Variants in KIAA1958 observed in about 807,000 individuals in gnomAD.
The protein encoded by KIAA1958 is uncharacterized protein KIAA1958.
KIAA1958 carries 14 observed loss-of-function variants against 47.2 expected under a neutral mutation model. The ratio of observed to expected loss-of-function variants is 0.30; its 90% confidence interval spans 0.20 to 0.46. The LOEUF is 0.46. Ranked by LOEUF, KIAA1958 falls within the 20% of genes least tolerant of loss-of-function variation. The probability of loss-of-function intolerance (pLI) is 1.00; values close to 1 mark genes in which losing one functional copy is unlikely to be tolerated. For missense variants in KIAA1958, 803 were observed against 909.2 expected, an observed-to-expected ratio of 0.88 and a Z score of 1.50; for synonymous variants, 354 against 353.3, an observed-to-expected ratio of 1.00 and a Z score of -0.02.
At chr9:112,569,348 G>A (rs1431647057) in intron 1 of KIAA1958, among the ~76,000 whole-genome samples, 2 of 152,202 alleles carry the variant, frequency 1.3e-5, no homozygotes, top group African/African-American at 2.4e-5. Flanking sequence ...ATTGCATTAA[G>A]TGTCTTCTTA....
chr9:112,544,906 CT>C lies in KIAA1958; in HGVS notation c.-24-29141del, dbSNP rs929322073. On this transcript the variant is annotated intron_variant, in intron 1 of 3. Transcript: ENST00000337530. Reference sequence around the variant, plus strand: ...CCCCAGCTACAATCTAATTTTTAATCTTTTTTTTTTAATTTTAACTTTCCAC... The same window carrying C: ...CCCCAGCTACAATCTAATTTTTAATCTTTTTTTTTAATTTTAACTTTCCAC... Among the ~76,000 whole-genome samples, 455 of 149,394 alleles carry C rather than the reference CT, an allele frequency of 3.0e-3. 1 individual carries two copies. The highest frequency in any genetic ancestry group is 6.8e-3 in the Middle Eastern group (2 of 294).
At chr9:112,579,976 C>A (rs1301639113) in intron 2 of KIAA1958, among the ~76,000 whole-genome samples, 1 of 152,200 alleles carries the variant, frequency 6.6e-6, no homozygotes, top group African/African-American at 2.4e-5. Context: ...GCCTTCCTCC[C>A]TATTAGATTC....
At chr9:112,531,447 A>G (rs368483952) in intron 1 of KIAA1958, among the ~76,000 whole-genome samples, 12 of 152,296 alleles carry the variant, frequency 7.9e-5, no homozygotes, top group African/African-American at 2.6e-4. Flanking sequence ...AAGTACGAAT[A>G]AAAGACTAGA....
At chr9:112,554,993 C>T (rs553932593) in intron 1 of KIAA1958, among the ~76,000 whole-genome samples, 1 of 152,244 alleles carries the variant, frequency 6.6e-6, no homozygotes, top group East Asian at 1.9e-4. Flanking sequence ...GAACTAAAAA[C>T]AAAAATACTG....
intron 2 of KIAA1958, among the ~76,000 whole-genome samples, chr9:112,607,866 C>T (rs896125615): frequency 1.3e-5 from 2 of 151,906 alleles, no homozygotes; most frequent in African/African-American, 4.8e-5. Context: ...AACAATGCCA[C>T]TAATGTTCGG....
chr9:112,603,844 A>ATT (rs1836178022), intron 2 of KIAA1958, among the ~76,000 whole-genome samples: 1 of 152,290 alleles, frequency 6.6e-6, no homozygotes, highest in South Asian at 2.1e-4. Flanking sequence ...TGCTCGCCAG[A>ATT]TTTCTTTTTA....
intron 1 of KIAA1958, among the ~76,000 whole-genome samples, chr9:112,532,464 G>T (rs1834766755): frequency 6.6e-6 from 1 of 152,082 alleles, no homozygotes; most frequent in South Asian, 2.1e-4. Flanking sequence ...CCAGTGCCCT[G>T]CCTCTTTCCT....
intron 1 of KIAA1958, among the ~76,000 whole-genome samples, chr9:112,521,277 T>C (rs1834538901): frequency 1.3e-5 from 2 of 152,106 alleles, no homozygotes; most frequent in African/African-American, 4.8e-5. Context: ...GGTGCAATCA[T>C]AGCTCACTGT....
intron 1 of KIAA1958, among the ~76,000 whole-genome samples, chr9:112,556,216 C>T (rs1835239147): frequency 6.6e-6 from 1 of 152,178 alleles, no homozygotes; most frequent in Admixed American, 6.5e-5. Flanking sequence ...TTAAGTAGAC[C>T]TCAGCTGGCT....
At chr9:112,610,641 G>A (rs764445145) in intron 2 of KIAA1958, among the ~76,000 whole-genome samples, 1 of 152,086 alleles carries the variant, frequency 6.6e-6, no homozygotes, top group Non-Finnish European at 1.5e-5. Flanking sequence ...AAAGAGCTAA[G>A]CCTCTTCTCC....
Position 112,660,339 on chromosome 9 carries a change from G to T in KIAA1958, c.*270G>T. The stretch of plus-strand genomic sequence containing the variant: ...CAATGTATAATTGTTACATACAAGA[G>T]TGAGGAAATTCATTTTCTCTAGTGC... On this transcript the variant is annotated 3_prime_UTR_variant, in exon 4 of 4. Transcript: ENST00000337530. 1 of 437,170 alleles carries T rather than the reference G, an allele frequency of 2.3e-6. No homozygotes were observed. 27.1% of individuals were successfully genotyped at this position (437,170 alleles called of 1,614,324 possible).
At chr9:112,558,837 GTCCT>G (rs1191472822) in intron 1 of KIAA1958, among the ~76,000 whole-genome samples, 1 of 152,106 alleles carries the variant, frequency 6.6e-6, no homozygotes, top group Non-Finnish European at 1.5e-5. Context: ...AGAAAGACCT[GTCCT>G]CCCTTCCTAA....
At chr9:112,641,759 T>C (rs143974098) in intron 2 of KIAA1958, among the ~76,000 whole-genome samples, 1 of 152,314 alleles carries the variant, frequency 6.6e-6, no homozygotes, top group Non-Finnish European at 1.5e-5. Context: ...AATTTGCCTT[T>C]AGCCATGTTC....
chr9:112,534,752 C>T (rs779044406), intron 1 of KIAA1958, among the ~76,000 whole-genome samples: 6 of 151,992 alleles, frequency 3.9e-5, no homozygotes, highest in Non-Finnish European at 5.9e-5. Flanking sequence ...CCATGTTGGC[C>T]GAGCTGGTCT....
intron 1 of KIAA1958, among the ~76,000 whole-genome samples, chr9:112,496,397 T>C (rs953747611): frequency 1.6e-4 from 24 of 152,208 alleles, no homozygotes; most frequent in African/African-American, 5.8e-4. Flanking sequence ...GAAGCCAGAA[T>C]AGGGGCTACC....
rs1478699995 is a variant in KIAA1958 at position 112,645,576 on chromosome 9, A to G, written c.1172-74A>G. ...TGTCTTTTAGAGTTTTCTGTTATTT[A>G]TCATCCCAAGATGTAATTCTCTAAA... On this transcript the variant is annotated intron_variant, in intron 2 of 3. Coordinates refer to ENST00000337530, the MANE Select transcript of KIAA1958 (RefSeq NM_133465.4). 8.0e-6 allele frequency: 8 copies of G among 1,001,146 alleles called. No individual in the cohort carries two copies. In the Admixed American group the frequency reaches 2.0e-4, roughly 24 times the overall value. 62.0% of individuals were successfully genotyped at this position (1,001,146 alleles called of 1,614,324 possible).
In KIAA1958 at chr9:112,660,463, G is replaced by A. The variant is rs1341456551; in HGVS notation, c.*394G>A. The A allele has an allele frequency of 1.5e-5, 3 of 196,458 alleles. No homozygotes were observed. Among genetic ancestry groups the A allele is most frequent in the East Asian group, 1.2e-4 (1 of 8,592 alleles). 12.2% of individuals were successfully genotyped at this position (196,458 alleles called of 1,614,324 possible). ...CCCAGTAGCGCAGTAGCTTTAGAAC[G>A]TTAGGAAGACTGTACACTTTGTTGA... On this transcript the variant is annotated 3_prime_UTR_variant, in exon 4 of 4. Coordinates refer to ENST00000337530, the MANE Select transcript of KIAA1958 (RefSeq NM_133465.4).
chr9:112,542,896 G>A (rs957959660), intron 1 of KIAA1958, among the ~76,000 whole-genome samples: 1 of 152,216 alleles, frequency 6.6e-6, no homozygotes, highest in African/African-American at 2.4e-5. Flanking sequence ...AGGCTGGTGA[G>A]ACTGGTATGG....
At chr9:112,575,397 C>T in intron 2 of KIAA1958, 146 bp downstream of exon 2, 1 of 576,254 alleles carries the variant, frequency 1.7e-6, no homozygotes, top group Non-Finnish European at 3.0e-6. Context: ...TGTGTTACAT[C>T]CAGGTGATAC....
Sources: allele counts gnomAD v4.1 joint callset (sites outside exome capture counted in the v4.1 genomes callset), GRCh38; gene constraint gnomAD v4.1.1; transcripts MANE v1.5; gene names NCBI Gene and HGNC (gene_info 2026-07-23, HGNC 2026-07-21).